IGSF11: variants seen among roughly 807,000 people sequenced by gnomAD.
The protein encoded by IGSF11 is CXADR like 1.
Under a neutral mutation model 41.0 loss-of-function variants are expected in IGSF11, and 22 were observed. That is an observed-to-expected ratio of 0.54 (90% CI 0.38 to 0.77). IGSF11 has a LOEUF of 0.77. IGSF11 is among the 30% of genes least tolerant of loss of function. The pLI, the probability that IGSF11 is intolerant of heterozygous loss-of-function variation, is 0.00. For missense variants in IGSF11, 444 were observed against 530.8 expected, an observed-to-expected ratio of 0.84 and a Z score of 1.61; for synonymous variants, 219 against 201.3, an observed-to-expected ratio of 1.09 and a Z score of -0.74.
At chr3:118,936,103 A>T (rs1242386085) in intron 1 of IGSF11, among the ~76,000 whole-genome samples, 1 of 152,026 alleles carries the variant, frequency 6.6e-6, no homozygotes, top group Admixed American at 6.6e-5. Context: ...TGATGCTAAA[A>T]TTTTTTCTAT....
intron 4 of IGSF11, among the ~76,000 whole-genome samples, chr3:118,917,468 A>G (rs1319111061): frequency 2.1e-5 from 3 of 145,502 alleles, no homozygotes; most frequent in Non-Finnish European, 4.5e-5. Flanking sequence ...ATCAGAGAAT[A>G]CTACAAACAC....
chr3:119,051,184 A>C (rs1274857791), intron 1 of IGSF11, among the ~76,000 whole-genome samples: 1 of 148,416 alleles, frequency 6.7e-6, no homozygotes, highest in Admixed American at 6.8e-5. Context: ...AATAAATTTC[A>C]AAAAAAAAAT....
chr3:119,096,762 T>C (rs1219634529), intron 1 of IGSF11, among the ~76,000 whole-genome samples: 1 of 152,210 alleles, frequency 6.6e-6, no homozygotes, highest in Non-Finnish European at 1.5e-5. Context: ...CACAGACCTT[T>C]ATTGGCTTAT....
chr3:118,940,915 A>AG (rs1234652601), intron 1 of IGSF11, among the ~76,000 whole-genome samples: 2 of 151,026 alleles, frequency 1.3e-5, no homozygotes, highest in Non-Finnish European at 1.5e-5. Context: ...TGCCAAAAAA[A>AG]AAAAAAAAAA....
chr3:119,034,522 G>A lies in IGSF11; in HGVS notation c.52+9C>T, dbSNP rs757087382. ...GCCCCACCGGGAAGAAAGGGCTGGA[G>A]CTACTCACCGTGCAGAGAGAGGAGC... On this transcript the variant is annotated intron_variant, in intron 1 of 6. Coordinates refer to ENST00000393775, the MANE Select transcript of IGSF11 (RefSeq NM_001015887.3). The A allele has an allele frequency of 1.9e-6, 3 of 1,575,554 alleles. No homozygotes were observed. Among genetic ancestry groups the A allele is most frequent in the Non-Finnish European group, 1.7e-6 (2 of 1,161,326 alleles).
chr3:119,119,509 G>A (rs954371244), intron 1 of IGSF11, among the ~76,000 whole-genome samples: 2 of 152,174 alleles, frequency 1.3e-5, no homozygotes, highest in Non-Finnish European at 2.9e-5. Flanking sequence ...AGATTTGGGT[G>A]GGGACACAAC....
intron 1 of IGSF11, among the ~76,000 whole-genome samples, chr3:118,977,019 T>C (rs1320611587): frequency 1.3e-5 from 2 of 152,198 alleles, no homozygotes; most frequent in African/African-American, 2.4e-5. Flanking sequence ...CATTTATTAA[T>C]GGAAATTGAT....
chr3:119,012,163 A>T (rs750336568), intron 1 of IGSF11, among the ~76,000 whole-genome samples: 4 of 152,226 alleles, frequency 2.6e-5, no homozygotes, highest in Non-Finnish European at 5.9e-5. Context: ...GCAACTCAAT[A>T]TCCCAAAAAA....
Position 119,001,483 on chromosome 3 carries a change from T to A in IGSF11, c.52+33048A>T, listed in dbSNP as rs1297222732. Among the ~76,000 whole-genome samples the A allele has an allele frequency of 6.7e-5, 9 of 133,978 alleles. No individual in the cohort carries two copies. The East Asian group carries it at 1.0e-3, about 16-fold the overall frequency. The allele number at this position is 133,978 out of a possible 152,430, so 87.9% of individuals were successfully genotyped here. On this transcript the variant is annotated intron_variant, in intron 1 of 6. Coordinates refer to ENST00000393775, the MANE Select transcript of IGSF11 (RefSeq NM_001015887.3). ...CCAGGTTTTCTTTTTTTTTTTTTTT[T>A]ATTATACTTTAAGTTTTAGGGTACA...
At chr3:119,141,059 A>AAT (rs2057130030) in intron 1 of IGSF11, among the ~76,000 whole-genome samples, 1 of 151,112 alleles carries the variant, frequency 6.6e-6, no homozygotes, top group South Asian at 2.1e-4. Context: ...AAAAAAAAAA[A>AAT]AATACAAAAT....
chr3:118,933,142 T>G (rs1942987543), intron 1 of IGSF11, among the ~76,000 whole-genome samples: 1 of 152,214 alleles, frequency 6.6e-6, no homozygotes. Context: ...TCTCACATTC[T>G]GAAATATCTG....
chr3:119,032,595 C>T lies in IGSF11; in HGVS notation c.52+1936G>A, dbSNP rs151146432. ...AGCAGCTTGGCCTTTCAAGAGTATACCCCTGCCTGTTCCACTTTACATCCT... is the reference window on the plus strand; with the variant it reads ...AGCAGCTTGGCCTTTCAAGAGTATATCCCTGCCTGTTCCACTTTACATCCT... On this transcript the variant is annotated intron_variant, in intron 1 of 6. Coordinates refer to ENST00000393775, the MANE Select transcript of IGSF11 (RefSeq NM_001015887.3). Among the ~76,000 whole-genome samples, 714 of 152,304 alleles carry T rather than the reference C, an allele frequency of 4.7e-3. 14 individuals carry two copies. The highest frequency in any genetic ancestry group is 0.016 in the African/African-American group (682 of 41,558).
intron 1 of IGSF11, among the ~76,000 whole-genome samples, chr3:119,019,220 G>A (rs1939047896): frequency 6.6e-6 from 1 of 151,838 alleles, no homozygotes; most frequent in Non-Finnish European, 1.5e-5. Flanking sequence ...CCTTGATTCT[G>A]TGGGATTAGC....
chr3:119,044,408 G>C (rs1334006359), intron 1 of IGSF11, among the ~76,000 whole-genome samples: 3 of 151,832 alleles, frequency 2.0e-5, no homozygotes, highest in Non-Finnish European at 4.4e-5. Context: ...CAAGAAATTT[G>C]GGATTATGTT....
chr3:119,025,994 G>A (rs1403820732), intron 1 of IGSF11, among the ~76,000 whole-genome samples: 1 of 152,082 alleles, frequency 6.6e-6, no homozygotes, highest in South Asian at 2.1e-4. Context: ...TATTAGGCTG[G>A]GCATGGTGGC....
At chr3:119,015,425 C>G (rs1039673970) in intron 1 of IGSF11, among the ~76,000 whole-genome samples, 3 of 152,136 alleles carry the variant, frequency 2.0e-5, no homozygotes, top group Non-Finnish European at 4.4e-5. Flanking sequence ...CCGTTATAAA[C>G]CTGGAGGACA....
At chr3:119,082,191 C>T (rs1389757560) in intron 1 of IGSF11, among the ~76,000 whole-genome samples, 1 of 151,628 alleles carries the variant, frequency 6.6e-6, no homozygotes, top group East Asian at 1.9e-4. Flanking sequence ...AATGGCTTAC[C>T]AAAAAGTAAA....
chr3:119,063,694 T>C (rs1306716668), intron 1 of IGSF11, among the ~76,000 whole-genome samples: 1 of 152,244 alleles, frequency 6.6e-6, no homozygotes, highest in Non-Finnish European at 1.5e-5. Context: ...TTTAAATATC[T>C]AGAGACAAGT....
chr3:118,996,613 T>C (rs559251359), intron 1 of IGSF11, among the ~76,000 whole-genome samples: 37 of 152,258 alleles, frequency 2.4e-4, no homozygotes, highest in Non-Finnish European at 4.6e-4. Context: ...GTTTTTGTTT[T>C]TGTTTTTTTT....
Sources: gnomAD v4.1 joint callset for allele counts (sites outside exome capture counted in the v4.1 genomes callset) on GRCh38, gnomAD v4.1.1 for gene constraint, MANE v1.5 for transcripts, NCBI Gene and HGNC (gene_info 2026-07-23, HGNC 2026-07-21) for gene names.